PREX1: variants seen among roughly 807,000 people sequenced by gnomAD.
PREX1 encodes the protein phosphatidylinositol 3,4,5-trisphosphate-dependent Rac exchanger 1 protein.
Under a neutral mutation model 198.3 loss-of-function variants are expected in PREX1, and 41 were observed. That is an observed-to-expected ratio of 0.21 (90% confidence interval 0.16 to 0.27). PREX1 has a LOEUF of 0.27. PREX1 is among the 10% of genes least tolerant of loss of function. The pLI, the probability that PREX1 is intolerant of heterozygous loss-of-function variation, is 1.00. For synonymous variants in PREX1, 843 were observed against 887.2 expected (o/e 0.95, Z 0.89); for missense variants, 1,620 against 2,200.7 (o/e 0.74, Z 5.28).
chr20:48,661,444 A>AAAAAAAAAAAAT (rs1555832820), intron 15 of PREX1, among the ~76,000 whole-genome samples: 1 of 49,600 alleles, frequency 2.0e-5, no homozygotes, highest in Non-Finnish European at 3.1e-5. Context: ...AAAAAAAAAA[A>AAAAAAAAAAAAT]ATATATATAT....
At chr20:48,882,525 A>AAAAAAAAAAG in the PREX1 span, among the ~76,000 whole-genome samples, 8 of 97,840 alleles carry the variant, frequency 8.2e-5, 1 homozygote, top group Non-Finnish European at 1.6e-4. Context: ...AAAAAAAAAA[A>AAAAAAAAAAG]AGAGAGAATC....
At chr20:48,653,232 G>A (rs1201724952) in intron 20 of PREX1, 129 bp downstream of exon 20, 11 of 1,388,586 alleles carry the variant, frequency 7.9e-6, no homozygotes, top group Non-Finnish European at 9.8e-6. Flanking sequence ...CCTCTTGTTG[G>A]GTCAGCAGCT....
intron 4 of PREX1, 108 bp downstream of exon 4, chr20:48,734,438 C>A: frequency 1.0e-6 from 1 of 956,206 alleles, no homozygotes. Context: ...TTACCCCAGC[C>A]AAGGAAAGGA....
chr20:48,708,223 C>T (rs1486443709), intron 6 of PREX1, 37 bp downstream of exon 6: 1 of 1,606,136 alleles, frequency 6.2e-7, no homozygotes, highest in East Asian at 2.2e-5. Flanking sequence ...TCCTGGCCCC[C>T]TGCGGCCCAG....
At chr20:48,777,849 T>TCAG (rs1267928093) in intron 1 of PREX1, among the ~76,000 whole-genome samples, 112 of 152,252 alleles carry the variant, frequency 7.4e-4, no homozygotes, top group Non-Finnish European at 1.2e-3. Flanking sequence ...GCTATCATCA[T>TCAG]CATCAGCAGC....
intron 3 of PREX1, among the ~76,000 whole-genome samples, chr20:48,744,434 TTCTG>T (rs2090098458): frequency 1.3e-5 from 2 of 152,326 alleles, no homozygotes; most frequent in South Asian, 4.1e-4. Flanking sequence ...GCTTGGGTTC[TTCTG>T]TCTGTGAGGG....
intron 39 of PREX1, 39 bp downstream of exon 39, chr20:48,627,509 G>A (rs1601023420): frequency 1.2e-6 from 2 of 1,610,492 alleles, no homozygotes; most frequent in Non-Finnish European, 8.5e-7. Flanking sequence ...GTCGCCAGCT[G>A]GGAGTGGACA....
rs4997666 is a variant in PREX1 at position 48,754,695 on chromosome 20, G to A, written c.220-6815C>T. ...GGGTATGGGCTGGGAGCAAAGGGAA[G>A]CGATGAGTGGGGGTGGGTGGGGGGA... On this transcript the variant is annotated intron_variant, in intron 1 of 39. Coordinates refer to ENST00000371941, the MANE Select transcript of PREX1 (RefSeq NM_020820.4). 4.0e-3 allele frequency among the ~76,000 whole-genome samples: 578 copies of A among 145,728 alleles called. 6 individuals are homozygous for A. Among genetic ancestry groups the A allele is most frequent in the African/African-American group, 0.013 (514 of 39,130 alleles).
chr20:48,861,254 G>A, the PREX1 span, among the ~76,000 whole-genome samples: 1 of 152,096 alleles, frequency 6.6e-6, no homozygotes, highest in South Asian at 2.1e-4. Flanking sequence ...ATTGACTTTG[G>A]GGAACCTTAA....
intron 1 of PREX1, among the ~76,000 whole-genome samples, chr20:48,779,806 G>A (rs1335875258): frequency 2.0e-5 from 3 of 152,180 alleles, no homozygotes; most frequent in Non-Finnish European, 1.5e-5. Flanking sequence ...AGAAAAGGCA[G>A]AACTACAGGG....
upstream of PREX1, among the ~76,000 whole-genome samples, chr20:48,830,221 C>A (rs1483247145): frequency 6.6e-6 from 1 of 152,166 alleles, no homozygotes; most frequent in Non-Finnish European, 1.5e-5. Flanking sequence ...TAAAAATTAG[C>A]TGGGCATGGT....
Position 48,650,998 on chromosome 20 carries a change from T to A in PREX1, c.2713A>T (p.Met905Leu). The A allele has an allele frequency of 6.2e-7, 1 of 1,614,190 alleles. No individual in the cohort carries two copies. The highest frequency in any genetic ancestry group is 8.5e-7 in the Non-Finnish European group (1 of 1,180,038). The change falls in exon 23 of 40, where the codon ATG becomes TTG. Residue 905 changes from methionine (M) to leucine (L), a missense_variant. Physicochemically the swap from Met to Leu is conservative, Grantham distance 15. Coordinates refer to ENST00000371941, the MANE Select transcript of PREX1 (RefSeq NM_020820.4). ...GTCACGATGGCGCTGCTCAGGGCCA[T>A]GAGCCGCCTGCAGTTCTCCACGAAG... ...SVFVENCRRL[M>L]ALSSAIVTMP...
At chr20:48,791,482 A>C (rs2090338679) in intron 1 of PREX1, among the ~76,000 whole-genome samples, 1 of 152,180 alleles carries the variant, frequency 6.6e-6, no homozygotes, top group African/African-American at 2.4e-5. Context: ...AGGACTACAG[A>C]ATAAGCACCC....
intron 39 of PREX1, 39 bp from the exon 40 acceptor site, chr20:48,625,966 C>A: frequency 6.7e-7 from 1 of 1,496,452 alleles, no homozygotes; most frequent in Non-Finnish European, 8.9e-7. Context: ...GAGGCCGGGG[C>A]GGGCCAGGAC....
chr20:48,696,704 G>A (rs1488685478), intron 7 of PREX1, among the ~76,000 whole-genome samples: 6 of 152,052 alleles, frequency 3.9e-5, no homozygotes, highest in Non-Finnish European at 5.9e-5. Flanking sequence ...ATTGCACTGA[G>A]GTTCTGGGCA....
intron 5 of PREX1, among the ~76,000 whole-genome samples, chr20:48,720,361 G>C (rs371395715): frequency 6.6e-6 from 1 of 152,102 alleles, no homozygotes; most frequent in African/African-American, 2.4e-5. Context: ...CGTTCCAAGG[G>C]GACAGGGGTT....
intron 5 of PREX1, among the ~76,000 whole-genome samples, chr20:48,716,798 T>C (rs750511238): frequency 1.3e-5 from 2 of 151,998 alleles, no homozygotes; most frequent in Non-Finnish European, 2.9e-5. Flanking sequence ...AAAGGCATGC[T>C]CTCCTCTCCC....
chr20:48,646,550 G>A (rs956892543), intron 25 of PREX1, among the ~76,000 whole-genome samples: 2 of 152,012 alleles, frequency 1.3e-5, no homozygotes, highest in Non-Finnish European at 2.9e-5. Context: ...AATTAACTGG[G>A]TGTGGTGGCG....
At chr20:48,840,431 A>G in the PREX1 span, among the ~76,000 whole-genome samples, 1 of 152,210 alleles carries the variant, frequency 6.6e-6, no homozygotes, top group Admixed American at 6.5e-5. Flanking sequence ...AAGCAATGCC[A>G]TGATGAACCT....
Sources: gnomAD v4.1 joint callset for allele counts (sites outside exome capture counted in the v4.1 genomes callset) on GRCh38, gnomAD v4.1.1 for gene constraint, MANE v1.5 for transcripts, NCBI Gene and HGNC (gene_info 2026-07-23, HGNC 2026-07-21) for gene names.